Variants in CRTC1 observed in about 807,000 individuals in gnomAD.
The protein encoded by CRTC1 is CREB-regulated transcription coactivator 1.
A neutral mutation model predicts 66.1 loss-of-function variants in CRTC1; 18 were observed. The ratio of observed to expected loss-of-function variants is 0.27; its 90% confidence interval spans 0.19 to 0.40. The LOEUF (loss-of-function observed/expected upper bound fraction) is 0.40. Among genes scored for constraint, CRTC1 ranks in the 10% least tolerant of loss-of-function variants. The probability of loss-of-function intolerance (pLI) is 1.00; values close to 1 mark genes in which losing one functional copy is unlikely to be tolerated. For missense variants in CRTC1, 669 were observed against 887.9 expected, an observed-to-expected ratio of 0.75 and a Z score of 3.13; for synonymous variants, 416 against 398.8, an observed-to-expected ratio of 1.04 and a Z score of -0.51.
intron 1 of CRTC1, among the ~76,000 whole-genome samples, chr19:18,690,815 G>A (rs951067177): frequency 1.4e-4 from 21 of 151,902 alleles, no homozygotes; most frequent in Admixed American, 3.3e-4. Context: ...CACGAGGTCA[G>A]GAGATCGAGA....
chr19:18,757,473 G>A (rs553016689), intron 6 of CRTC1, among the ~76,000 whole-genome samples: 126 of 152,280 alleles, frequency 8.3e-4, no homozygotes, highest in African/African-American at 2.7e-3. Flanking sequence ...GCTACCCTAC[G>A]GTGTCCTCAC....
chr19:18,751,657 C>CT (rs1457071876), intron 5 of CRTC1, among the ~76,000 whole-genome samples: 1 of 152,208 alleles, frequency 6.6e-6, no homozygotes, highest in Non-Finnish European at 1.5e-5. Flanking sequence ...CAGACTCTCC[C>CT]TCTCCTCTTC....
chr19:18,728,047 C>T (rs2053800832), intron 1 of CRTC1, among the ~76,000 whole-genome samples: 1 of 152,128 alleles, frequency 6.6e-6, no homozygotes, highest in Non-Finnish European at 1.5e-5. Flanking sequence ...TTCAGAGCCT[C>T]CAGAGCTGTG....
chr19:18,729,746 GAAT>G (rs576881054), intron 1 of CRTC1, among the ~76,000 whole-genome samples: 5 of 151,826 alleles, frequency 3.3e-5, no homozygotes, highest in Admixed American at 1.3e-4. Flanking sequence ...ATCTTTAAAA[GAAT>G]AATAATAATA....
intron 1 of CRTC1, among the ~76,000 whole-genome samples, chr19:18,740,874 T>C (rs1001882253): frequency 6.6e-6 from 1 of 151,096 alleles, no homozygotes; most frequent in African/African-American, 2.4e-5. Context: ...TAGCCAGGCA[T>C]GGTGCCTGTA....
At chr19:18,724,407 A>G (rs913838016) in intron 1 of CRTC1, among the ~76,000 whole-genome samples, 14 of 152,224 alleles carry the variant, frequency 9.2e-5, no homozygotes, top group African/African-American at 3.4e-4. Context: ...AAGGGGAGAC[A>G]GCAGCACCTA....
At position 18,777,831 on chromosome 19, in the gene CRTC1, C is replaced by G. The variant is rs1490992408; in HGVS notation, c.*449C>G. The stretch of plus-strand genomic sequence containing the variant: ...CTCACTGCCTTCCTTGGTTCCCGGT[C>G]CCCCAGCCCATCCGCCATCCCCAGC... On this transcript the variant is annotated 3_prime_UTR_variant, in exon 14 of 14. Transcript: ENST00000321949. This position sits in a 1 kb window ranked among gnomAD's most constrained non-coding sequence, Gnocchi z 5.5. 1 of 291,960 alleles carries G rather than the reference C, an allele frequency of 3.4e-6. No individual in the cohort carries two copies. The highest frequency in any genetic ancestry group is 6.4e-6 in the Non-Finnish European group (1 of 155,754). The allele number at this position is 291,960 out of a possible 1,614,324, so 18.1% of individuals were successfully genotyped here.
chr19:18,766,472 A>G (rs1214338147), intron 9 of CRTC1, among the ~76,000 whole-genome samples: 1 of 150,912 alleles, frequency 6.6e-6, no homozygotes, highest in Non-Finnish European at 1.5e-5. Context: ...TTTGAGACAG[A>G]GTCTCGCTCT....
intron 1 of CRTC1, among the ~76,000 whole-genome samples, chr19:18,694,467 G>T (rs2052936034): frequency 6.6e-6 from 1 of 152,076 alleles, no homozygotes; most frequent in South Asian, 2.1e-4. Context: ...GCTTTTGTGG[G>T]ACATCAGCAT....
intron 5 of CRTC1, among the ~76,000 whole-genome samples, chr19:18,750,589 G>C (rs1201215348): frequency 6.6e-6 from 1 of 152,254 alleles, no homozygotes; most frequent in East Asian, 1.9e-4. Context: ...CAGGGAACCT[G>C]GTGTGGCCCA....
chr19:18,725,391 G>T (rs371922941), intron 1 of CRTC1, among the ~76,000 whole-genome samples: 2 of 152,284 alleles, frequency 1.3e-5, no homozygotes, highest in Non-Finnish European at 2.9e-5. Context: ...CTCTGTCATC[G>T]CTTGGTTTCT....
intron 1 of CRTC1, among the ~76,000 whole-genome samples, chr19:18,708,243 G>A (rs2053309423): frequency 6.6e-6 from 1 of 152,164 alleles, no homozygotes; most frequent in African/African-American, 2.4e-5. Context: ...GGAGAGCTTG[G>A]ACGTGATCCC....
chr19:18,707,259 T>C (rs949034469), intron 1 of CRTC1, among the ~76,000 whole-genome samples: 7 of 152,234 alleles, frequency 4.6e-5, no homozygotes, highest in Non-Finnish European at 7.3e-5. Context: ...CTTTGATCCG[T>C]CTTGAGTTAA....
At chr19:18,729,598 A>G (rs969332260) in intron 1 of CRTC1, among the ~76,000 whole-genome samples, 3 of 151,268 alleles carry the variant, frequency 2.0e-5, no homozygotes, top group Non-Finnish European at 4.4e-5. Flanking sequence ...TAAATTGGCT[A>G]AGCGTGTTGG....
rs2055090095 is a variant in CRTC1, at chr19:18,780,925, T to C, written c.*3543T>C. The C allele has an allele frequency of 1.8e-5, 4 of 221,812 alleles. No individual in the cohort carries two copies. Among genetic ancestry groups the C allele is most frequent in the Admixed American group, 5.7e-5 (1 of 17,428 alleles). The allele number at this position is 221,812 out of a possible 1,614,324, so 13.7% of individuals were successfully genotyped here. On this transcript the variant is annotated 3_prime_UTR_variant, in exon 14 of 14. Transcript: ENST00000321949. ...TGAGCTGGTTTTTAACCAAACATCC[T>C]TCCAAACTCGGGCTGCGACCTGCTT...
Position 18,777,538 on chromosome 19 carries a change from T to G in CRTC1, c.*156T>G. The G allele has an allele frequency of 1.4e-6, 1 of 693,050 alleles. No individual in the cohort carries two copies. The highest frequency in any genetic ancestry group is 2.8e-5 in the East Asian group (1 of 35,922). 42.9% of individuals were successfully genotyped at this position (693,050 alleles called of 1,614,324 possible). ...GCCAGCCCGCCCCCGGTTGTCCACC[T>G]CCCGCGAAGCCCAATCGCGAGGCCG... On this transcript the variant is annotated 3_prime_UTR_variant, in exon 14 of 14. Coordinates refer to ENST00000321949, the MANE Select transcript of CRTC1 (RefSeq NM_015321.3). The surrounding 1 kb of genome is among the most constrained non-coding windows in gnomAD (Gnocchi z 5.5).
At chr19:18,761,470 C>T (rs2054613044) in intron 8 of CRTC1, among the ~76,000 whole-genome samples, 1 of 152,200 alleles carries the variant, frequency 6.6e-6, no homozygotes, top group South Asian at 2.1e-4. Flanking sequence ...GGAGAATGAA[C>T]CGGCCCCGGC....
chr19:18,742,883 C>T, intron 1 of CRTC1, 27 bp from the exon 2 acceptor site: 1 of 1,568,506 alleles, frequency 6.4e-7, no homozygotes, highest in Non-Finnish European at 8.8e-7. Flanking sequence ...GTGACCCCTC[C>T]CGCAGCTGCT....
intron 4 of CRTC1, among the ~76,000 whole-genome samples, chr19:18,749,323 A>T (rs2054313014): frequency 6.6e-6 from 1 of 152,048 alleles, no homozygotes; most frequent in African/African-American, 2.4e-5. Context: ...GGGCACAGTC[A>T]CCTGATTGTG....
Sources: allele counts gnomAD v4.1 joint callset (sites outside exome capture counted in the v4.1 genomes callset), GRCh38; gene constraint gnomAD v4.1.1; non-coding constraint Gnocchi (gnomAD v3.1); transcripts MANE v1.5; gene names NCBI Gene and HGNC (gene_info 2026-07-23, HGNC 2026-07-21).